The following PCDH15 variants were observed in gnomAD, a reference collection of about 807,000 sequenced individuals.
PCDH15 encodes the protein protocadherin related 15.
PCDH15 carries 129 observed loss-of-function variants against 178.5 expected under a neutral mutation model. That is an observed-to-expected ratio of 0.72 (90% CI 0.63 to 0.84). The LOEUF (loss-of-function observed/expected upper bound fraction) is 0.84. Ranked by LOEUF, PCDH15 falls within the 40% of genes least tolerant of loss-of-function variation. The pLI is 0.00. For missense variants in PCDH15, 2,230 were observed against 2,099.9 expected (o/e 1.06, Z -1.21); for synonymous variants, 800 against 732.0 (o/e 1.09, Z -1.50).
At chr10:54,147,191 A>G (rs934656498) in intron 14 of PCDH15, among the ~76,000 whole-genome samples, 18 of 151,474 alleles carry the variant, frequency 1.2e-4, no homozygotes, top group African/African-American at 4.1e-4. Flanking sequence ...TACAGTGAAC[A>G]TGACATTATC....
At chr10:54,965,665 A>G (rs1838767705) in intron 2 of PCDH15, among the ~76,000 whole-genome samples, 1 of 142,190 alleles carries the variant, frequency 7.0e-6, no homozygotes, top group African/African-American at 2.7e-5. Context: ...TTAGCTTGCT[A>G]TGTCTTTGAA....
chr10:55,245,938 G>C (rs571831763), intron 1 of PCDH15, among the ~76,000 whole-genome samples: 2 of 152,286 alleles, frequency 1.3e-5, no homozygotes, highest in African/African-American at 4.8e-5. Context: ...TGCCTAAAAG[G>C]CTGACTTAGG....
At chr10:54,189,437 C>G (rs781611499) in intron 11 of PCDH15, 22 of 1,318,582 alleles carry the variant, frequency 1.7e-5, no homozygotes. Context: ...TGATCACAAC[C>G]GCACATATGA....
intron 9 of PCDH15, among the ~76,000 whole-genome samples, chr10:54,217,912 C>A (rs1482808189): frequency 2.0e-5 from 3 of 151,578 alleles, no homozygotes; most frequent in Non-Finnish European, 2.9e-5. Flanking sequence ...AGCCAAAAGG[C>A]TTTTTTTTGT....
chr10:54,882,647 A>G (rs1954285043), intron 3 of PCDH15, among the ~76,000 whole-genome samples: 1 of 152,032 alleles, frequency 6.6e-6, no homozygotes, highest in South Asian at 2.1e-4. Context: ...TTTTACTTAA[A>G]ATGAATAATG....
At chr10:53,958,711 T>C (rs2087889227) in intron 23 of PCDH15, among the ~76,000 whole-genome samples, 1 of 152,068 alleles carries the variant, frequency 6.6e-6, no homozygotes, top group African/African-American at 2.4e-5. Context: ...CCGGGCACAG[T>C]GCCTCACGCC....
At chr10:54,019,059 T>C (rs2092829892) in intron 20 of PCDH15, among the ~76,000 whole-genome samples, 1 of 152,100 alleles carries the variant, frequency 6.6e-6, no homozygotes, top group Non-Finnish European at 1.5e-5. Context: ...CTTCTGTCTT[T>C]TTCCTCCCTC....
At chr10:53,842,007 C>G (rs147728047) in intron 28 of PCDH15, among the ~76,000 whole-genome samples, 49 of 150,326 alleles carry the variant, frequency 3.3e-4, no homozygotes, top group African/African-American at 1.2e-3. Flanking sequence ...CTGAGAGACA[C>G]AGACTAGTCT....
At chr10:54,230,273 A>C (rs982247591) in intron 9 of PCDH15, among the ~76,000 whole-genome samples, 1 of 152,166 alleles carries the variant, frequency 6.6e-6, no homozygotes, top group Non-Finnish European at 1.5e-5. Context: ...AAGGTTATAT[A>C]ATGTTTGAAA....
intron 2 of PCDH15, among the ~76,000 whole-genome samples, chr10:54,540,791 A>G (rs1318736460): frequency 6.6e-6 from 1 of 152,176 alleles, no homozygotes; most frequent in Non-Finnish European, 1.5e-5. Context: ...AAAGCTGCAC[A>G]TAAAAAACTT....
rs573076172 is a variant in PCDH15 at position 54,167,238 on chromosome 10, G to A, written c.1591-13945C>T. On this transcript the variant is annotated intron_variant, in intron 13 of 37. Coordinates refer to ENST00000644397, the MANE Select transcript of PCDH15 (RefSeq NM_001384140.1). The stretch of plus-strand genomic sequence containing the variant: ...ACCTATGACCTCAGGTCCTCAGACC[G>A]ACCAGCCCAAGGAACATCTCACCAA... Among the ~76,000 whole-genome samples the A allele has an allele frequency of 2.0e-3, 300 of 152,180 alleles. 1 individual carries two copies. The highest frequency in any genetic ancestry group is 4.2e-3 in the South Asian group (20 of 4,818).
At chr10:55,255,523 G>A (rs190346162) in intron 1 of PCDH15, among the ~76,000 whole-genome samples, 4,578 of 152,160 alleles carry the variant, frequency 0.03, 120 homozygotes, top group African/African-American at 0.077. Context: ...CTGAGGAATC[G>A]CCACACTGAC....
intron 26 of PCDH15, among the ~76,000 whole-genome samples, chr10:53,897,753 A>T (rs2082050922): frequency 6.6e-6 from 1 of 152,044 alleles, no homozygotes; most frequent in Non-Finnish European, 1.5e-5. Flanking sequence ...TGTCTTTATG[A>T]ATTTGCCTAC....
At chr10:54,084,715 T>C (rs1202258016) in intron 16 of PCDH15, among the ~76,000 whole-genome samples, 1 of 152,176 alleles carries the variant, frequency 6.6e-6, no homozygotes, top group Non-Finnish European at 1.5e-5. Context: ...AAAATTCCGT[T>C]ATTAGGAAAT....
chr10:54,586,104 G>A (rs1415822597), intron 2 of PCDH15, among the ~76,000 whole-genome samples: 1 of 152,088 alleles, frequency 6.6e-6, no homozygotes, highest in Non-Finnish European at 1.5e-5. Flanking sequence ...ATTTGATTAT[G>A]TTCACCTCTG....
intron 1 of PCDH15, among the ~76,000 whole-genome samples, chr10:55,247,568 G>A (rs1841710292): frequency 6.6e-6 from 1 of 151,902 alleles, no homozygotes; most frequent in African/African-American, 2.4e-5. Flanking sequence ...TGATAGCTGA[G>A]TTAAAGCAGT....
chr10:54,353,605 T>TA (rs1944500334), intron 5 of PCDH15, among the ~76,000 whole-genome samples: 3 of 152,194 alleles, frequency 2.0e-5, no homozygotes, highest in Admixed American at 2.0e-4. Context: ...TGGACTTCAA[T>TA]AGAGTGTGTA....
At chr10:55,582,126 A>T (rs1018642196) in intron 2 of PCDH15, among the ~76,000 whole-genome samples, 1 of 152,158 alleles carries the variant, frequency 6.6e-6, no homozygotes, top group Non-Finnish European at 1.5e-5. Context: ...TGCCTGAGAA[A>T]GTGTCCGGGT....
chr10:54,944,336 G>A (rs1236208838), intron 2 of PCDH15, among the ~76,000 whole-genome samples: 1 of 151,914 alleles, frequency 6.6e-6, no homozygotes, highest in African/African-American at 2.4e-5. Flanking sequence ...AGGTTTCTGT[G>A]AATTACAAGT....
Sources: gnomAD v4.1 joint callset for allele counts (sites outside exome capture counted in the v4.1 genomes callset) on GRCh38, gnomAD v4.1.1 for gene constraint, MANE v1.5 for transcripts, NCBI Gene and HGNC (gene_info 2026-07-23, HGNC 2026-07-21) for gene names.